The following HHEX variants were observed in gnomAD, a reference collection of about 807,000 sequenced individuals.
HHEX encodes hematopoietically expressed homeobox.
Under a neutral mutation model 27.0 loss-of-function variants are expected in HHEX, and 8 were observed. The observed-to-expected ratio is 0.30, with a 90% CI of 0.17 to 0.54. HHEX has a LOEUF of 0.54. Ranked by LOEUF, HHEX falls within the 20% of genes least tolerant of loss-of-function variation. The probability of loss-of-function intolerance (pLI) is 0.95; values close to 1 mark genes in which losing one functional copy is unlikely to be tolerated. For synonymous variants in HHEX, 164 were observed against 161.5 expected, an observed-to-expected ratio of 1.02 and a Z score of -0.12; for missense variants, 326 against 357.2, an observed-to-expected ratio of 0.91 and a Z score of 0.70.
In HHEX at chr10:92,694,131, A is replaced by C. The variant is rs143940637; in HGVS notation, c.592-416A>C. Among the ~76,000 whole-genome samples, 4 of 152,356 alleles carry C rather than the reference A, an allele frequency of 2.6e-5. No homozygotes were observed. The East Asian group carries it at 7.7e-4, about 29-fold the overall frequency. Reference sequence around the variant, plus strand: ...TCACCAGTTAGCATTCTTATTTTTAAAATGTCTGAAAGACTGTTAATTGGC... The same window carrying C: ...TCACCAGTTAGCATTCTTATTTTTACAATGTCTGAAAGACTGTTAATTGGC... On this transcript the variant is annotated intron_variant, in intron 3 of 3. Coordinates refer to ENST00000282728, the MANE Select transcript of HHEX (RefSeq NM_002729.5).
intron 3 of HHEX, among the ~76,000 whole-genome samples, chr10:92,693,790 T>C (rs1197736115): frequency 1.3e-5 from 2 of 152,194 alleles, no homozygotes; most frequent in Non-Finnish European, 2.9e-5. Context: ...TTTAGACAAG[T>C]ATAGGATTAA....
At chr10:92,691,332 G>A (rs1845353139) in intron 1 of HHEX, among the ~76,000 whole-genome samples, 7 of 152,126 alleles carry the variant, frequency 4.6e-5, no homozygotes, top group Admixed American at 4.6e-4. Flanking sequence ...GGAGCCCTAG[G>A]GTAAATAAGG....
chr10:92,692,156 A>G, intron 1 of HHEX: 1 of 551,100 alleles, frequency 1.8e-6, no homozygotes, highest in Non-Finnish European at 3.3e-6. Flanking sequence ...TGTGTGTACA[A>G]GGCTGTGTGC....
Position 92,689,985 on chromosome 10 carries a change from C to T in HHEX, c.-2C>T. 3 of 1,419,514 alleles carry T rather than the reference C, an allele frequency of 2.1e-6. No individual in the cohort carries two copies. The highest frequency in any genetic ancestry group is 2.7e-6 in the Non-Finnish European group (3 of 1,095,942). The allele number at this position is 1,419,514 out of a possible 1,614,324, so 87.9% of individuals were successfully genotyped here. On this transcript the variant is annotated 5_prime_UTR_variant, in exon 1 of 4. Coordinates refer to ENST00000282728, the MANE Select transcript of HHEX (RefSeq NM_002729.5). ...TGCGAGGGGCCGGAGCGCGGCGGAG[C>T]CATGCAGTACCCGCACCCCGGGCCG...
At chr10:92,690,446 T>C in intron 1 of HHEX, 99 bp downstream of exon 1, 1 of 1,324,056 alleles carries the variant, frequency 7.6e-7, no homozygotes, top group Non-Finnish European at 9.8e-7. Flanking sequence ...GGTAGACGGC[T>C]GTGGCAAAAG....
chr10:92,690,873 G>A (rs1456770516), intron 1 of HHEX, among the ~76,000 whole-genome samples: 1 of 152,236 alleles, frequency 6.6e-6, no homozygotes, highest in Non-Finnish European at 1.5e-5. Context: ...TTCCCCCGGA[G>A]TAGTGCACGC....
At chr10:92,694,493 A>T in intron 3 of HHEX, 54 bp from the exon 4 acceptor site, 1 of 1,297,718 alleles carries the variant, frequency 7.7e-7, no homozygotes. Flanking sequence ...TATTCCTCTC[A>T]CCTATCCATA....
chr10:92,694,317 T>C (rs1463137511), intron 3 of HHEX, among the ~76,000 whole-genome samples: 1 of 152,244 alleles, frequency 6.6e-6, no homozygotes, highest in Non-Finnish European at 1.5e-5. Context: ...CTTATGTTCA[T>C]GACTGGTTCT....
chr10:92,690,315 A>G lies in HHEX; in HGVS notation c.329A>G (p.Tyr110Cys). Residue 110 changes from tyrosine (Y) to cysteine (C), a missense_variant, in exon 1 of 4, where the codon TAC becomes TGC. Around this residue, in one of 4 missense-constraint regions of HHEX, gnomAD observed 215 missense variants for 196.4 expected, o/e 1.09. Transcript: ENST00000282728. Reference protein sequence around the residue: ...LYPFPRTVNDYTHALLRHDPL... With the variant: ...LYPFPRTVNDCTHALLRHDPL... ...CCCTTCCCGCGGACGGTGAACGACT[A>G]CACGCACGCCCTGCTCCGCCACGAC... 6.5e-7 allele frequency: 1 copy of G among 1,533,628 alleles called. No individual in the cohort carries two copies. The highest frequency in any genetic ancestry group is 8.8e-7 in the Non-Finnish European group (1 of 1,138,124).
In HHEX at chr10:92,694,563, A is replaced by C. The variant is rs757653686; in HGVS notation, c.608A>C (p.Asn203Thr). The change falls in exon 4 of 4, where the codon AAT becomes ACT. Residue 203 changes from asparagine (N) to threonine (T), a missense_variant. By Grantham distance (65) the Asn-to-Thr change is moderately conservative. This residue lies in a region of HHEX where 68 missense variants were observed against 84.9 expected (regional missense o/e 0.80). Transcript: ENST00000282728. ...TTTATTCAGGAGAACCCTCAAAGCA[A>C]TAAAAAAGAAGAACTGGAAAGTTTG... is the stretch of plus-strand genomic sequence containing the variant. ...RRLKQENPQS[N>T]KKEELESLDS... 7 of 1,613,906 alleles carry C rather than the reference A, an allele frequency of 4.3e-6. No homozygotes were observed. Among genetic ancestry groups the C allele is most frequent in the Non-Finnish European group, 5.1e-6 (6 of 1,179,776 alleles).
intron 1 of HHEX, 69 bp downstream of exon 1, chr10:92,690,416 A>T (rs1311162649): frequency 7.3e-7 from 1 of 1,378,944 alleles, no homozygotes; most frequent in African/African-American, 1.5e-5. Flanking sequence ...CGGGAGGCCG[A>T]GGGGGCGAAG....
chr10:92,690,189 C>T lies in HHEX; in HGVS notation c.203C>T (p.Pro68Leu), dbSNP rs745904454. The T allele has an allele frequency of 4.5e-6, 7 of 1,570,290 alleles. No individual in the cohort carries two copies. Among genetic ancestry groups the T allele is most frequent in the Non-Finnish European group, 6.0e-6 (7 of 1,158,720 alleles). ...AGCCTCGTGTCCCCCTACCGGACCC[C>T]GGTGTACGAGCCCACGCCGATCCAT... ...FTSLVSPYRTPVYEPTPIHPA... is the reference protein window; with the variant it reads ...FTSLVSPYRTLVYEPTPIHPA... Residue 68 changes from proline to leucine, a missense_variant, in exon 1 of 4, where the codon CCG (proline) becomes CTG (leucine). By Grantham distance (98) the Pro-to-Leu change is moderately conservative. Around this residue, in one of 4 missense-constraint regions of HHEX, gnomAD observed 215 missense variants for 196.4 expected, o/e 1.09. Coordinates refer to ENST00000282728, the MANE Select transcript of HHEX (RefSeq NM_002729.5).
intron 1 of HHEX, among the ~76,000 whole-genome samples, chr10:92,691,054 C>T (rs554282980): frequency 6.6e-6 from 1 of 152,130 alleles, no homozygotes; most frequent in Non-Finnish European, 1.5e-5. Context: ...TGTTTTGCAC[C>T]AGTCTGAAGC....
In HHEX at chr10:92,690,170, G is replaced by T. The variant is rs750063118; in HGVS notation, c.184G>T (p.Val62Leu). The T allele has an allele frequency of 6.4e-7, 1 of 1,561,310 alleles. No homozygotes were observed. Among genetic ancestry groups the T allele is most frequent in the Non-Finnish European group, 8.7e-7 (1 of 1,153,710 alleles). The change falls in exon 1 of 4, where the codon GTG becomes TTG. Residue 62 changes from valine to leucine, a missense_variant. Transcript: ENST00000282728. ...CCCCAACTCCTCCTTCACCAGCCTC[G>T]TGTCCCCCTACCGGACCCCGGTGTA... ...PSPNSSFTSL[V>L]SPYRTPVYEP... is the part of the protein sequence containing the mutation.
intron 3 of HHEX, 82 bp downstream of exon 3, chr10:92,692,834 A>G (rs1281274466): frequency 1.1e-5 from 13 of 1,152,774 alleles, no homozygotes; most frequent in Non-Finnish European, 1.6e-5. Flanking sequence ...GTTGTATGCA[A>G]AAGTCATTTA....
intron 1 of HHEX, chr10:92,692,111 T>G: frequency 8.4e-6 from 3 of 356,340 alleles, no homozygotes; most frequent in East Asian, 9.4e-5. Context: ...TATGTCTGGA[T>G]TTAGTTCTAG....
Position 92,694,453 on chromosome 10 carries a change from G to T in HHEX, c.592-94G>T, listed in dbSNP as rs957663941. The T allele has an allele frequency of 1.2e-5, 11 of 892,304 alleles. No individual in the cohort carries two copies. In the African/African-American group the frequency reaches 1.7e-4, roughly 14 times the overall value. The allele number at this position is 892,304 out of a possible 1,614,324, so 55.3% of individuals were successfully genotyped here. Reference sequence around the variant, plus strand: ...ACACTCAGTAAACTAAAAATTAAAAGATGGAATAGGATGAAGAGACATTTT... The same window carrying T: ...ACACTCAGTAAACTAAAAATTAAAATATGGAATAGGATGAAGAGACATTTT... On this transcript the variant is annotated intron_variant, in intron 3 of 3. Coordinates refer to ENST00000282728, the MANE Select transcript of HHEX (RefSeq NM_002729.5).
intron 1 of HHEX, among the ~76,000 whole-genome samples, chr10:92,690,840 T>C (rs1845348166): frequency 6.6e-6 from 1 of 152,212 alleles, no homozygotes; most frequent in Admixed American, 6.5e-5. Context: ...TTAAGTGTTT[T>C]CCTGGCTGCA....
chr10:92,690,242 G>T lies in HHEX; in HGVS notation c.256G>T (p.Ala86Ser). The change falls in exon 1 of 4, where the codon GCG (alanine) becomes TCG (serine). Residue 86 changes from alanine (A) to serine (S), a missense_variant. This residue lies in a region of HHEX where 215 missense variants were observed against 196.4 expected (regional missense o/e 1.09). Coordinates refer to ENST00000282728, the MANE Select transcript of HHEX (RefSeq NM_002729.5). ...AGCCTTCTCGCACCACTCCGCCGCC[G>T]CGCTGGCCGCTGCCTACGGACCCGG... is the stretch of plus-strand genomic sequence containing the variant. The part of the protein sequence containing the change: ...HPAFSHHSAA[A>S]LAAAYGPGGF... 6.4e-7 allele frequency: 1 copy of T among 1,564,832 alleles called. No homozygotes were observed. Among genetic ancestry groups the T allele is most frequent in the African/African-American group, 1.4e-5 (1 of 73,868 alleles).
Sources: gnomAD v4.1 joint callset for allele counts (sites outside exome capture counted in the v4.1 genomes callset) on GRCh38, gnomAD v4.1.1 for gene constraint, gnomAD v4.1.1 regional missense constraint, MANE v1.5 for transcripts, NCBI Gene and HGNC (gene_info 2026-07-23, HGNC 2026-07-21) for gene names.